Variants in CEP112 observed in about 807,000 individuals in gnomAD.
CEP112 encodes centrosomal protein of 112 kDa.
In CEP112, 127 loss-of-function variants were observed where a neutral mutation model predicts 153.0. That is an observed-to-expected ratio of 0.83 (90% CI 0.72 to 0.96). CEP112 has a LOEUF of 0.96. Among genes scored for constraint, CEP112 ranks in the 40% least tolerant of loss-of-function variants. CEP112 has a pLI of 0.00. For missense variants in CEP112, 1,089 were observed against 1,101.2 expected (o/e 0.99, Z 0.16); for synonymous variants, 358 against 374.4 (o/e 0.96, Z 0.51).
intron 24 of CEP112, among the ~76,000 whole-genome samples, chr17:65,652,511 T>G (rs764381967): frequency 4.6e-5 from 7 of 152,042 alleles, no homozygotes; most frequent in Admixed American, 6.6e-5. Context: ...ATAGCATGAA[T>G]TACATTTATA....
chr17:66,122,437 A>G (rs2069643650), intron 6 of CEP112, among the ~76,000 whole-genome samples: 1 of 152,030 alleles, frequency 6.6e-6, no homozygotes, highest in South Asian at 2.1e-4. Context: ...TCCCCTCTCC[A>G]TGAGTAATTT....
intron 16 of CEP112, among the ~76,000 whole-genome samples, chr17:66,010,548 G>T (rs1417973638): frequency 2.0e-5 from 3 of 152,162 alleles, no homozygotes; most frequent in Non-Finnish European, 4.4e-5. Flanking sequence ...GTTTTCAAAG[G>T]TATGTCTCCA....
At chr17:65,694,936 C>T (rs2048286141) in intron 23 of CEP112, among the ~76,000 whole-genome samples, 2 of 152,168 alleles carry the variant, frequency 1.3e-5, no homozygotes, top group African/African-American at 2.4e-5. Context: ...TGAAACAAAA[C>T]CCAACTTGAA....
chr17:66,026,634 G>C (rs2065223077), intron 16 of CEP112, among the ~76,000 whole-genome samples: 1 of 152,120 alleles, frequency 6.6e-6, no homozygotes, highest in Admixed American at 6.5e-5. Flanking sequence ...TGGGGAATTG[G>C]TGCCAGGGCC....
intron 24 of CEP112, among the ~76,000 whole-genome samples, chr17:65,653,399 T>C (rs2045886172): frequency 6.6e-6 from 1 of 152,232 alleles, no homozygotes; most frequent in African/African-American, 2.4e-5. Context: ...TCTTTGAATG[T>C]CTGGCTTAGC....
Position 65,635,994 on chromosome 17 carries a change from G to C in CEP112, c.2865-20C>G, listed in dbSNP as rs767059196. 1.9e-6 allele frequency: 3 copies of C among 1,596,500 alleles called. No individual in the cohort carries two copies. The highest frequency in any genetic ancestry group is 2.7e-5 in the African/African-American group (2 of 74,808). The stretch of plus-strand genomic sequence containing the variant: ...AGTTACCTGTAAACCAAAAATCGCA[G>C]TCACGACTTTCTCTAGGTTTAACAG... On this transcript the variant is annotated intron_variant, in intron 26 of 26. Coordinates refer to ENST00000535342, the MANE Select transcript of CEP112 (RefSeq NM_001199165.4).
chr17:65,647,134 ATAAT>A (rs1257093943), intron 24 of CEP112, among the ~76,000 whole-genome samples: 3 of 151,792 alleles, frequency 2.0e-5, no homozygotes, highest in African/African-American at 4.8e-5. Flanking sequence ...AGAAAAGGAA[ATAAT>A]TAGTTTATAT....
chr17:66,009,189 TTG>T (rs34971943), intron 16 of CEP112, among the ~76,000 whole-genome samples: 1,950 of 146,904 alleles, frequency 0.013, 36 homozygotes, highest in South Asian at 0.056. Context: ...TGTTATCCCT[TTG>T]TGTGTGTGTG....
chr17:65,686,113 CTTTTTT>C (rs35816434), intron 24 of CEP112, among the ~76,000 whole-genome samples: 4 of 104,324 alleles, frequency 3.8e-5, no homozygotes, highest in African/African-American at 1.4e-4. Flanking sequence ...AAACAACTGG[CTTTTTT>C]TTTTTTTTTT....
intron 20 of CEP112, among the ~76,000 whole-genome samples, chr17:65,855,524 C>T (rs569935770): frequency 2.6e-5 from 4 of 152,192 alleles, no homozygotes; most frequent in South Asian, 2.1e-4. Flanking sequence ...GGGAGTGGTA[C>T]GGCAATGAAG....
chr17:66,008,166 T>C (rs2064354272), intron 16 of CEP112, among the ~76,000 whole-genome samples: 1 of 152,164 alleles, frequency 6.6e-6, no homozygotes, highest in African/African-American at 2.4e-5. Flanking sequence ...TATACATATG[T>C]GTGAAGTTTT....
intron 21 of CEP112, chr17:65,826,256 T>C (rs1271567513): frequency 6.2e-7 from 1 of 1,613,842 alleles, no homozygotes; most frequent in Non-Finnish European, 8.5e-7. Context: ...CAGGGCTTGG[T>C]TTTCCTTGGC....
intron 24 of CEP112, among the ~76,000 whole-genome samples, chr17:65,664,577 T>C (rs1220744926): frequency 1.3e-5 from 2 of 152,098 alleles, no homozygotes; most frequent in African/African-American, 4.8e-5. Context: ...AGAACGGAGA[T>C]GATGAATACA....
At chr17:65,721,506 T>C (rs2049885023) in intron 23 of CEP112, among the ~76,000 whole-genome samples, 1 of 152,206 alleles carries the variant, frequency 6.6e-6, no homozygotes, top group African/African-American at 2.4e-5. Context: ...GCTGGTATCC[T>C]TCCAAAAATA....
intron 18 of CEP112, among the ~76,000 whole-genome samples, 159 bp downstream of exon 18, chr17:65,961,304 T>A (rs2062189827): frequency 6.6e-6 from 1 of 152,244 alleles, no homozygotes; most frequent in African/African-American, 2.4e-5. Flanking sequence ...AATCAAGTGG[T>A]AACATCTCTT....
At chr17:65,774,055 C>G (rs1394856762) in intron 21 of CEP112, among the ~76,000 whole-genome samples, 1 of 148,318 alleles carries the variant, frequency 6.7e-6, no homozygotes, top group African/African-American at 2.5e-5. Context: ...CCACTGCACT[C>G]CAGCCTGGGT....
chr17:66,067,695 T>G (rs2067175585), intron 9 of CEP112, among the ~76,000 whole-genome samples: 1 of 152,188 alleles, frequency 6.6e-6, no homozygotes, highest in South Asian at 2.1e-4. Context: ...AATTATTATC[T>G]GAAAGAAATA....
rs1336248929 is a variant in CEP112 at position 65,852,001 on chromosome 17, A to G, written c.2197T>C (p.Leu733=). The G allele has an allele frequency of 6.2e-7, 1 of 1,612,368 alleles. No individual in the cohort carries two copies. The highest frequency in any genetic ancestry group is 8.5e-7 in the Non-Finnish European group (1 of 1,179,608). The part of the protein sequence containing the change: ...IADMEAQVHK[L]REELINVNSQ... ...TTCACATTGATCAATTCTTCTCTCA[A>G]CTTGTGAACCTGGGCCTCCATGTCG... is the stretch of plus-strand genomic sequence containing the variant. The change falls in exon 21 of 27, where the codon TTG becomes CTG. Residue 733 remains leucine, a synonymous_variant. Coordinates refer to ENST00000535342, the MANE Select transcript of CEP112 (RefSeq NM_001199165.4).
At chr17:65,728,164 G>T (rs1567925544) in intron 23 of CEP112, among the ~76,000 whole-genome samples, 2 of 152,140 alleles carry the variant, frequency 1.3e-5, no homozygotes, top group African/African-American at 4.8e-5. Flanking sequence ...TTACTATTTG[G>T]CCCTTTACAG....
Sources: allele counts gnomAD v4.1 joint callset (sites outside exome capture counted in the v4.1 genomes callset), GRCh38; gene constraint gnomAD v4.1.1; transcripts MANE v1.5; gene names NCBI Gene and HGNC (gene_info 2026-07-23, HGNC 2026-07-21).